The following SRGAP2 variants were observed in gnomAD, a reference collection of about 807,000 sequenced individuals.
SRGAP2 encodes SLIT-ROBO Rho GTPase activating protein 2, also known as SLIT-ROBO Rho GTPase-activating protein 2.
A neutral mutation model predicts 57.2 loss-of-function variants in SRGAP2; 15 were observed. The observed-to-expected ratio is 0.26, with a 90% CI of 0.18 to 0.40. The LOEUF (loss-of-function observed/expected upper bound fraction) is 0.40, where lower values mean the gene tolerates loss of function less well. Ranked by LOEUF, SRGAP2 falls within the 10% of genes least tolerant of loss-of-function variation. The pLI, the probability that SRGAP2 is intolerant of heterozygous loss-of-function variation, is 1.00. For missense variants in SRGAP2, 520 were observed against 669.6 expected (o/e 0.78, Z 2.47); for synonymous variants, 249 against 248.0 (o/e 1.00, Z -0.04).
At chr1:206,245,295 ATTG>A (rs1668476393) in intron 2 of SRGAP2, among the ~76,000 whole-genome samples, 1 of 150,554 alleles carries the variant, frequency 6.6e-6, no homozygotes, top group Non-Finnish European at 1.5e-5. Context: ...TTTCCAAGGG[ATTG>A]TGAGAATGTG....
Position 206,409,823 on chromosome 1 carries a change from G to A in SRGAP2, c.1356+3249G>A, listed in dbSNP as rs1659039392. Among the ~76,000 whole-genome samples, 3 of 151,060 alleles carry A rather than the reference G, an allele frequency of 2.0e-5. No individual in the cohort carries two copies. The South Asian group carries it at 6.3e-4, about 32-fold the overall frequency. ...ATTAAAAAATAAATAAATCTGCTGG[G>A]CGTGGTGGCTCACGCCTGTAATCCC... On this transcript the variant is annotated intron_variant, in intron 10 of 22. Coordinates refer to ENST00000573034, the MANE Select transcript of SRGAP2 (RefSeq NM_015326.5).
intron 19 of SRGAP2, among the ~76,000 whole-genome samples, chr1:206,452,043 C>T (rs1395724514): frequency 4.6e-5 from 7 of 152,304 alleles, no homozygotes; most frequent in Non-Finnish European, 7.3e-5. Context: ...TTGATCTCTA[C>T]CTGCAGCCTA....
At chr1:206,446,969 T>C (rs1459207074) in intron 18 of SRGAP2, among the ~76,000 whole-genome samples, 1 of 152,174 alleles carries the variant, frequency 6.6e-6, no homozygotes, top group Non-Finnish European at 1.5e-5. Flanking sequence ...TATTTCTATT[T>C]TATGGATGAA....
At chr1:206,239,088 C>A (rs1553308556) in intron 2 of SRGAP2, among the ~76,000 whole-genome samples, 1 of 151,462 alleles carries the variant, frequency 6.6e-6, no homozygotes, top group African/African-American at 2.4e-5. Context: ...TCCTTCCACA[C>A]TTTTGGGACC....
chr1:206,390,982 A>T (rs1236901857), intron 5 of SRGAP2, among the ~76,000 whole-genome samples: 1 of 152,190 alleles, frequency 6.6e-6, no homozygotes, highest in African/African-American at 2.4e-5. Context: ...CGTAGGGGCT[A>T]GATTAGTATA....
intron 13 of SRGAP2, among the ~76,000 whole-genome samples, chr1:206,421,505 C>T (rs1322614546): frequency 6.6e-6 from 1 of 152,218 alleles, no homozygotes; most frequent in Non-Finnish European, 1.5e-5. Flanking sequence ...CATTTATCCT[C>T]TTGCATACTA....
chr1:206,214,807 A>G (rs1433402162), intron 2 of SRGAP2: 122 of 149,566 alleles, frequency 8.2e-4, no homozygotes, highest in African/African-American at 2.6e-3. Context: ...AAAAAAAAAA[A>G]AAAGAAAAGA....
chr1:206,453,284 T>C lies in SRGAP2; in HGVS notation c.2264T>C (p.Leu755Pro). Residue 755 changes from leucine to proline, a missense_variant, in exon 20 of 23, where the codon CTG becomes CCG. Around this residue, in one of 5 missense-constraint regions of SRGAP2, gnomAD observed 478 missense variants for 373.6 expected, o/e 1.28. Coordinates refer to ENST00000573034, the MANE Select transcript of SRGAP2 (RefSeq NM_015326.5). ...RELSFKKGASLLLYQRASDDW... is the reference protein window; with the variant it reads ...RELSFKKGASPLLYQRASDDW... ...CTATCCTTTAAGAAGGGAGCATCCCTGCTGCTTTACCAGCGGGCTTCCGAC... is the reference window on the plus strand; with the variant it reads ...CTATCCTTTAAGAAGGGAGCATCCCCGCTGCTTTACCAGCGGGCTTCCGAC... The C allele has an allele frequency of 1.3e-6, 1 of 761,090 alleles. No individual in the cohort carries two copies. 47.1% of individuals were successfully genotyped at this position (761,090 alleles called of 1,614,324 possible). A position where few individuals can be genotyped will look rare whatever the true frequency, so the allele number is the denominator to read the frequency against.
rs1260839157 is a variant in SRGAP2 at position 206,353,841 on chromosome 1, C to G, written c.423+10833C>G. On this transcript the variant is annotated intron_variant, in intron 4 of 22. Coordinates refer to ENST00000573034, the MANE Select transcript of SRGAP2 (RefSeq NM_015326.5). ...TTGAGATGGAGACTCACTTTGTCACCCAGGTTGGAGTACAGTGGTGTGATC... is the reference window on the plus strand; with the variant it reads ...TTGAGATGGAGACTCACTTTGTCACGCAGGTTGGAGTACAGTGGTGTGATC... Among the ~76,000 whole-genome samples, 7 of 144,462 alleles carry G rather than the reference C, an allele frequency of 4.8e-5. No homozygotes were observed. The East Asian group carries it at 1.2e-3, about 25-fold the overall frequency. 94.8% of individuals were successfully genotyped at this position (144,462 alleles called of 152,430 possible). A position where few individuals can be genotyped will look rare whatever the true frequency, so the allele number is the denominator to read the frequency against.
At chr1:206,333,264 A>T in intron 3 of SRGAP2, 1 of 1,149,304 alleles carries the variant, frequency 8.7e-7, no homozygotes, top group Non-Finnish European at 1.3e-6. Context: ...TCACGCTGGG[A>T]GCTGTAGACC....
intron 2 of SRGAP2, among the ~76,000 whole-genome samples, chr1:206,262,619 G>C (rs1234531890): frequency 2.8e-5 from 4 of 145,432 alleles, no homozygotes; most frequent in African/African-American, 1.0e-4. Flanking sequence ...GACTGGTGGA[G>C]ATTAAAAAAA....
At chr1:206,417,605 G>A (rs11811315) in intron 11 of SRGAP2, among the ~76,000 whole-genome samples, 16,406 of 147,306 alleles carry the variant, frequency 0.11, 2,049 homozygotes, top group African/African-American at 0.31. Flanking sequence ...TTCTTAGTAG[G>A]GACGAGGTTT....
intron 4 of SRGAP2, among the ~76,000 whole-genome samples, chr1:206,363,790 T>C (rs1553341069): frequency 1.3e-5 from 2 of 152,230 alleles, no homozygotes; most frequent in African/African-American, 4.8e-5. Context: ...TTTTTCTTAG[T>C]GCGTTATATC....
At chr1:206,374,004 G>A (rs1480928473) in intron 4 of SRGAP2, among the ~76,000 whole-genome samples, 2 of 149,350 alleles carry the variant, frequency 1.3e-5, no homozygotes, top group Admixed American at 6.7e-5. Flanking sequence ...TGACAACTGC[G>A]GGTAGATACA....
At chr1:206,269,105 G>A (rs1199302050) in intron 2 of SRGAP2, among the ~76,000 whole-genome samples, 47 of 150,230 alleles carry the variant, frequency 3.1e-4, no homozygotes, top group African/African-American at 1.2e-3. Flanking sequence ...AATAAACAAA[G>A]TGTGGTGTAT....
intron 2 of SRGAP2, among the ~76,000 whole-genome samples, chr1:206,208,390 A>G (rs1218416406): frequency 2.6e-5 from 4 of 151,968 alleles, no homozygotes; most frequent in Admixed American, 1.3e-4. Context: ...AACCCAGGAA[A>G]TGGGTATTAT....
chr1:206,410,829 A>G (rs928892199), intron 10 of SRGAP2, among the ~76,000 whole-genome samples: 4 of 152,218 alleles, frequency 2.6e-5, no homozygotes, highest in Admixed American at 1.3e-4. Context: ...AAGGTTTACC[A>G]AAGCTTTATA....
chr1:206,436,461 C>T (rs1162781850), intron 14 of SRGAP2, among the ~76,000 whole-genome samples: 3 of 151,602 alleles, frequency 2.0e-5, no homozygotes, highest in Admixed American at 6.6e-5. Context: ...AGTGAACCTC[C>T]TACCTGAGCC....
At chr1:206,435,832 T>G (rs1280506897) in intron 14 of SRGAP2, among the ~76,000 whole-genome samples, 1 of 152,264 alleles carries the variant, frequency 6.6e-6, no homozygotes, top group African/African-American at 2.4e-5. Context: ...AAGCATTGAT[T>G]AGCAGCAGTC....
Sources: gnomAD v4.1 joint callset for allele counts (sites outside exome capture counted in the v4.1 genomes callset) on GRCh38, gnomAD v4.1.1 for gene constraint, gnomAD v4.1.1 regional missense constraint, MANE v1.5 for transcripts, NCBI Gene and HGNC (gene_info 2026-07-23, HGNC 2026-07-21) for gene names.